Variants in PDE3B observed in about 807,000 individuals in gnomAD.
PDE3B encodes phosphodiesterase 3B.
A neutral mutation model predicts 116.8 loss-of-function variants in PDE3B; 66 were observed. The ratio of observed to expected loss-of-function variants is 0.56; its 90% CI spans 0.46 to 0.69. The LOEUF (loss-of-function observed/expected upper bound fraction) is 0.69, where lower values mean the gene tolerates loss of function less well. Among genes scored for constraint, PDE3B ranks in the 30% least tolerant of loss-of-function variants. PDE3B has a pLI of 0.00. For missense variants in PDE3B, 1,384 were observed against 1,368.1 expected (o/e 1.01, Z -0.18); for synonymous variants, 595 against 533.6 (o/e 1.12, Z -1.59).
chr11:14,837,340 G>A (rs1436985059), intron 11 of PDE3B, among the ~76,000 whole-genome samples: 1 of 152,142 alleles, frequency 6.6e-6, no homozygotes, highest in Admixed American at 6.5e-5. Flanking sequence ...TTGCTTACGA[G>A]TTCTCCCCCA....
chr11:14,786,096 T>C (rs1858183732), intron 2 of PDE3B, among the ~76,000 whole-genome samples: 1 of 152,112 alleles, frequency 6.6e-6, no homozygotes, highest in Non-Finnish European at 1.5e-5. Context: ...TGTCACTGTG[T>C]TAGACTGCCT....
At chr11:14,713,535 G>A (rs141362161) in intron 1 of PDE3B, among the ~76,000 whole-genome samples, 6 of 152,216 alleles carry the variant, frequency 3.9e-5, no homozygotes, top group African/African-American at 1.4e-4. Flanking sequence ...AAGCTTGCTG[G>A]CCTTCAGATG....
chr11:14,703,535 G>A (rs992680594), intron 1 of PDE3B, among the ~76,000 whole-genome samples: 2 of 151,214 alleles, frequency 1.3e-5, no homozygotes, highest in African/African-American at 4.9e-5. Context: ...CTGTGTTTAG[G>A]TGGCTACTAG....
intron 1 of PDE3B, among the ~76,000 whole-genome samples, chr11:14,746,339 C>A (rs561948013): frequency 6.6e-6 from 1 of 152,088 alleles, no homozygotes; most frequent in Non-Finnish European, 1.5e-5. Flanking sequence ...GAGCCGAGAT[C>A]GCACCAGTGC....
chr11:14,783,019 C>T (rs1374441247), intron 2 of PDE3B, among the ~76,000 whole-genome samples: 1 of 152,240 alleles, frequency 6.6e-6, no homozygotes, highest in Non-Finnish European at 1.5e-5. Context: ...TGCTCATCAT[C>T]ACTGGCCATC....
chr11:14,880,810 T>C, the PDE3B span: 1 of 1,548,060 alleles, frequency 6.5e-7, no homozygotes, highest in Non-Finnish European at 8.7e-7. Context: ...CCTACTTCTC[T>C]GTATCTAAAA....
At chr11:14,665,378 C>T (rs540901921) in intron 1 of PDE3B, among the ~76,000 whole-genome samples, 1 of 152,324 alleles carries the variant, frequency 6.6e-6, no homozygotes, top group African/African-American at 2.4e-5. Context: ...TGCTGTCTCT[C>T]ACCACTCCTA....
chr11:14,874,110 C>T (rs1056348570), downstream of PDE3B, among the ~76,000 whole-genome samples: 14 of 152,070 alleles, frequency 9.2e-5, no homozygotes, highest in African/African-American at 3.1e-4. Context: ...TTATAAAGTC[C>T]TTATGAATTA....
intron 5 of PDE3B, among the ~76,000 whole-genome samples, chr11:14,806,269 T>C (rs1470398861): frequency 7.0e-6 from 1 of 142,046 alleles, no homozygotes; most frequent in African/African-American, 2.7e-5. Context: ...TGAAACCCCG[T>C]CTCTACTAAA....
At chr11:14,722,261 G>A (rs887663287) in intron 1 of PDE3B, among the ~76,000 whole-genome samples, 2 of 151,786 alleles carry the variant, frequency 1.3e-5, no homozygotes, top group African/African-American at 2.4e-5. Flanking sequence ...GTATACATAT[G>A]TAACAAACCT....
chr11:14,847,524 A>T lies in PDE3B; in HGVS notation c.2520+3498A>T, dbSNP rs549700023. The stretch of plus-strand genomic sequence containing the variant: ...ACTGAAGGAAATAGAGACACAAAAA[A>T]CCCTTCAAAAAATCAATGAATCCAG... On this transcript the variant is annotated intron_variant, in intron 12 of 15. Coordinates refer to ENST00000282096, the MANE Select transcript of PDE3B (RefSeq NM_000922.4). Among the ~76,000 whole-genome samples, 38 of 151,856 alleles carry T rather than the reference A, an allele frequency of 2.5e-4. 1 individual carries two copies. The highest frequency in any genetic ancestry group is 8.9e-4 in the African/African-American group (37 of 41,412).
At chr11:14,745,043 T>A (rs1856873622) in intron 1 of PDE3B, among the ~76,000 whole-genome samples, 1 of 152,180 alleles carries the variant, frequency 6.6e-6, no homozygotes, top group African/African-American at 2.4e-5. Context: ...CAGGCTGGTC[T>A]TGAACTCCTG....
chr11:14,684,091 A>G (rs1033039131), intron 1 of PDE3B, among the ~76,000 whole-genome samples: 3 of 152,182 alleles, frequency 2.0e-5, no homozygotes, highest in Admixed American at 2.0e-4. Flanking sequence ...TATCTGTGGT[A>G]CTTATCCTGG....
the PDE3B span, chr11:14,891,817 C>T: frequency 1.0e-6 from 1 of 974,828 alleles, no homozygotes; most frequent in Non-Finnish European, 1.2e-6. Flanking sequence ...TCGAGGACTT[C>T]TCCCTTCCAG....
chr11:14,712,546 C>A (rs1391825078), intron 1 of PDE3B, among the ~76,000 whole-genome samples: 1 of 128,426 alleles, frequency 7.8e-6, no homozygotes, highest in East Asian at 2.5e-4. Context: ...ATGATCTTGG[C>A]TCACTACAGT....
At chr11:14,655,020 C>G (rs1323584879) in intron 1 of PDE3B, among the ~76,000 whole-genome samples, 1 of 152,074 alleles carries the variant, frequency 6.6e-6, no homozygotes, top group African/African-American at 2.4e-5. Context: ...AGAAATAAAT[C>G]TAGATACTAC....
intron 4 of PDE3B, among the ~76,000 whole-genome samples, chr11:14,789,917 T>C (rs947048253): frequency 1.3e-5 from 2 of 152,020 alleles, no homozygotes; most frequent in Non-Finnish European, 2.9e-5. Flanking sequence ...GGAAGGATAC[T>C]GATCCTTGTG....
intron 1 of PDE3B, among the ~76,000 whole-genome samples, chr11:14,761,450 A>G (rs1857357598): frequency 6.6e-6 from 1 of 152,160 alleles, no homozygotes; most frequent in Admixed American, 6.6e-5. Context: ...GTATTATATT[A>G]TTCTCAGATT....
At chr11:14,883,530 A>G in the PDE3B span, among the ~76,000 whole-genome samples, 2 of 151,418 alleles carry the variant, frequency 1.3e-5, no homozygotes, top group Non-Finnish European at 3.0e-5. Flanking sequence ...TACAAAAATT[A>G]ATTCAAGATG....
Sources: allele counts gnomAD v4.1 joint callset (sites outside exome capture counted in the v4.1 genomes callset), GRCh38; gene constraint gnomAD v4.1.1; transcripts MANE v1.5; gene names NCBI Gene and HGNC (gene_info 2026-07-23, HGNC 2026-07-21).